The following PRR11 variants were observed in gnomAD, a reference collection of about 807,000 sequenced individuals.
PRR11 encodes the protein proline rich 11.
In PRR11, 30 loss-of-function variants were observed where a neutral mutation model predicts 45.6. That is an observed-to-expected ratio of 0.66 (90% CI 0.49 to 0.89). The LOEUF (loss-of-function observed/expected upper bound fraction) is 0.89. PRR11 is among the 40% of genes least tolerant of loss of function. PRR11 has a pLI of 0.00. For synonymous variants in PRR11, 128 were observed against 153.5 expected (o/e 0.83, Z 1.23); for missense variants, 373 against 424.8 (o/e 0.88, Z 1.07).
chr17:59,181,704 C>T, intron 2 of PRR11: 1 of 1,553,640 alleles, frequency 6.4e-7, no homozygotes, highest in Middle Eastern at 2.3e-4. Flanking sequence ...TCTTCCTTTT[C>T]CAGCAAAGGG....
intron 1 of PRR11, among the ~76,000 whole-genome samples, chr17:59,166,565 T>G (rs957378668): frequency 6.6e-6 from 1 of 152,184 alleles, no homozygotes; most frequent in Non-Finnish European, 1.5e-5. Context: ...TTAACATATA[T>G]TTAATGGTAA....
At chr17:59,166,878 A>G (rs554834717) in intron 1 of PRR11, among the ~76,000 whole-genome samples, 4 of 151,868 alleles carry the variant, frequency 2.6e-5, no homozygotes, top group African/African-American at 9.7e-5. Flanking sequence ...AAATTGACCT[A>G]TAGGACCGGG....
chr17:59,173,263 T>G (rs1450437501), intron 2 of PRR11, among the ~76,000 whole-genome samples: 5 of 152,198 alleles, frequency 3.3e-5, no homozygotes, highest in Admixed American at 2.0e-4. Flanking sequence ...CGGCTCTCTG[T>G]AAAATGGACC....
rs192983561 is a variant in PRR11, at chr17:59,203,521, G to A, written c.*1890G>A. On this transcript the variant is annotated 3_prime_UTR_variant, in exon 10 of 10. Transcript: ENST00000262293. Reference sequence around the variant, plus strand: ...ATTACAGGCGTGAGCCACCACGCCCGGCCAGAGATCCACATCTATATTTAT... The same window carrying A: ...ATTACAGGCGTGAGCCACCACGCCCAGCCAGAGATCCACATCTATATTTAT... 353 of 152,114 alleles carry A rather than the reference G, an allele frequency of 2.3e-3. 3 individuals carry two copies. Among genetic ancestry groups the A allele is most frequent in the East Asian group, 7.8e-3 (40 of 5,156 alleles). 9.4% of individuals were successfully genotyped at this position (152,114 alleles called of 1,614,324 possible). A position where few individuals can be genotyped will look rare whatever the true frequency, so the allele number is the denominator to read the frequency against.
chr17:59,173,673 A>G (rs148657032), intron 2 of PRR11, among the ~76,000 whole-genome samples: 1 of 152,314 alleles, frequency 6.6e-6, no homozygotes, highest in East Asian at 1.9e-4. Flanking sequence ...GAACTGTAAC[A>G]TGGCGAGGGT....
intron 2 of PRR11, chr17:59,181,924 T>G: frequency 1.8e-6 from 2 of 1,103,642 alleles, no homozygotes; most frequent in Non-Finnish European, 1.2e-6. Flanking sequence ...CTCCTTCCCC[T>G]CCCCATTCTT....
At chr17:59,179,959 C>G (rs1381082172) in intron 2 of PRR11, 3 of 1,218,280 alleles carry the variant, frequency 2.5e-6, no homozygotes, top group Non-Finnish European at 2.3e-6. Context: ...CCAAACCACT[C>G]TCCATCCTCC....
intron 4 of PRR11, among the ~76,000 whole-genome samples, chr17:59,190,833 T>C (rs1405108195): frequency 6.6e-6 from 1 of 152,264 alleles, no homozygotes; most frequent in Non-Finnish European, 1.5e-5. Context: ...GCCTGGGTTA[T>C]GTGTCTAGTC....
At chr17:59,179,724 G>A in intron 2 of PRR11, 1 of 1,422,930 alleles carries the variant, frequency 7.0e-7, no homozygotes, top group African/African-American at 1.4e-5. Context: ...TTCATCTTGA[G>A]CCCACACAGC....
chr17:59,180,744 G>A (rs1489284332), intron 2 of PRR11, among the ~76,000 whole-genome samples: 2 of 151,338 alleles, frequency 1.3e-5, no homozygotes, highest in Admixed American at 6.6e-5. Flanking sequence ...GACCTCAGGT[G>A]ATCCACCCGC....
At chr17:59,177,800 G>A (rs1451195282) in intron 2 of PRR11, among the ~76,000 whole-genome samples, 1 of 152,184 alleles carries the variant, frequency 6.6e-6, no homozygotes, top group African/African-American at 2.4e-5. Context: ...AGGATCAAGT[G>A]AGTCCAACAG....
rs183346217 is a variant in PRR11 at position 59,202,498 on chromosome 17, A to T, written c.*867A>T. 2 of 151,972 alleles carry T rather than the reference A, an allele frequency of 1.3e-5. No homozygotes were observed. The highest frequency in any genetic ancestry group is 2.9e-5 in the Non-Finnish European group (2 of 67,966). The allele number at this position is 151,972 out of a possible 1,614,324, so 9.4% of individuals were successfully genotyped here. ...GGAGGATCACTTGAGGCTGTAGTGC[A>T]CTATAATTATGCCTGTGAATAGCCA... On this transcript the variant is annotated 3_prime_UTR_variant, in exon 10 of 10. Coordinates refer to ENST00000262293, the MANE Select transcript of PRR11 (RefSeq NM_018304.4).
chr17:59,201,740 G>C lies in PRR11; in HGVS notation c.*109G>C, dbSNP rs2046893580. 8.6e-7 allele frequency: 1 copy of C among 1,157,590 alleles called. No homozygotes were observed. The highest frequency in any genetic ancestry group is 1.5e-5 in the African/African-American group (1 of 65,282). The allele number at this position is 1,157,590 out of a possible 1,614,324, so 71.7% of individuals were successfully genotyped here. A position where few individuals can be genotyped will look rare whatever the true frequency, so the allele number is the denominator to read the frequency against. On this transcript the variant is annotated 3_prime_UTR_variant, in exon 10 of 10. Coordinates refer to ENST00000262293, the MANE Select transcript of PRR11 (RefSeq NM_018304.4). ...AATCCCAGCACTTTGGGAGGCTGAG[G>C]CAGGTGGATCACCTGAGGTCAGGAG...
intron 7 of PRR11, among the ~76,000 whole-genome samples, chr17:59,196,713 G>A (rs1170880088): frequency 6.6e-6 from 1 of 151,836 alleles, no homozygotes; most frequent in Non-Finnish European, 1.5e-5. Flanking sequence ...GTCTTCAGTG[G>A]ACATCCTTGC....
chr17:59,156,340 C>T (rs923767078), intron 1 of PRR11, among the ~76,000 whole-genome samples: 19 of 151,170 alleles, frequency 1.3e-4, no homozygotes, highest in African/African-American at 4.6e-4. Flanking sequence ...TAATACTGTG[C>T]GGGATGAGAC....
At chr17:59,184,912 G>C (rs2046806708) in intron 2 of PRR11, 142 bp from the exon 3 acceptor site, 1 of 265,604 alleles carries the variant, frequency 3.8e-6, no homozygotes, top group South Asian at 5.0e-5. Context: ...GCCGAGGCTA[G>C]TCTTGAACTC....
Position 59,201,713 on chromosome 17 carries a change from G to C in PRR11, c.*82G>C. ...CAGCTGGGTGCAGTGGCTCACACCT[G>C]TAATCCCAGCACTTTGGGAGGCTGA... On this transcript the variant is annotated 3_prime_UTR_variant, in exon 10 of 10. Transcript: ENST00000262293. 1 of 1,425,256 alleles carries C rather than the reference G, an allele frequency of 7.0e-7. No homozygotes were observed. Among genetic ancestry groups the C allele is most frequent in the South Asian group, 1.1e-5 (1 of 87,484 alleles). 88.3% of individuals were successfully genotyped at this position (1,425,256 alleles called of 1,614,324 possible). A position where few individuals can be genotyped will look rare whatever the true frequency, so the allele number is the denominator to read the frequency against.
chr17:59,171,662 T>G (rs2046709354), intron 2 of PRR11, among the ~76,000 whole-genome samples: 1 of 151,960 alleles, frequency 6.6e-6, no homozygotes, highest in Non-Finnish European at 1.5e-5. Context: ...TTTTTCAAAA[T>G]AAACCAATAA....
At chr17:59,174,139 C>T (rs1354430475) in intron 2 of PRR11, among the ~76,000 whole-genome samples, 2 of 152,210 alleles carry the variant, frequency 1.3e-5, no homozygotes, top group Admixed American at 1.3e-4. Context: ...TACCCAAGGT[C>T]AGCCCCAGTG....
Sources: allele counts gnomAD v4.1 joint callset (sites outside exome capture counted in the v4.1 genomes callset), GRCh38; gene constraint gnomAD v4.1.1; transcripts MANE v1.5; gene names NCBI Gene and HGNC (gene_info 2026-07-23, HGNC 2026-07-21).